AMPH: variants seen among roughly 807,000 people sequenced by gnomAD.
The protein encoded by AMPH is amphiphysin.
A neutral mutation model predicts 99.1 loss-of-function variants in AMPH; 49 were observed. The ratio of observed to expected loss-of-function variants is 0.49; its 90% CI spans 0.39 to 0.63. AMPH has a LOEUF of 0.63. Ranked by LOEUF, AMPH falls within the 20% of genes least tolerant of loss-of-function variation. AMPH has a pLI of 0.00. For synonymous variants in AMPH, 314 were observed against 317.3 expected (o/e 0.99, Z 0.11); for missense variants, 759 against 863.4 (o/e 0.88, Z 1.52).
chr7:38,472,297 T>C (rs1264800368), intron 7 of AMPH, among the ~76,000 whole-genome samples: 1 of 152,150 alleles, frequency 6.6e-6, no homozygotes, highest in Non-Finnish European at 1.5e-5. Flanking sequence ...TTAAAGAACA[T>C]ATGTATTTAT....
At chr7:38,489,744 C>T (rs182787951) in intron 5 of AMPH, among the ~76,000 whole-genome samples, 1 of 152,178 alleles carries the variant, frequency 6.6e-6, no homozygotes, top group East Asian at 1.9e-4. Flanking sequence ...CAAAGACCTA[C>T]AAACAACCTC....
intron 1 of AMPH, among the ~76,000 whole-genome samples, chr7:38,575,165 C>T (rs184611681): frequency 2.0e-4 from 30 of 151,586 alleles, no homozygotes; most frequent in African/African-American, 7.0e-4. Flanking sequence ...TGAACAAATA[C>T]GTACTTTCAA....
chr7:38,404,642 C>T (rs1210748702), intron 17 of AMPH, among the ~76,000 whole-genome samples: 1 of 152,054 alleles, frequency 6.6e-6, no homozygotes, highest in East Asian at 1.9e-4. Context: ...TTTAAATGTC[C>T]CATCCAAAGG....
chr7:38,577,160 C>A (rs1300570642), intron 1 of AMPH, among the ~76,000 whole-genome samples: 4 of 152,206 alleles, frequency 2.6e-5, no homozygotes, highest in Non-Finnish European at 5.9e-5. Flanking sequence ...TATAATTTTT[C>A]TAAAAACTGC....
intron 11 of AMPH, among the ~76,000 whole-genome samples, chr7:38,456,133 G>C (rs1300826241): frequency 1.3e-5 from 2 of 152,170 alleles, no homozygotes; most frequent in East Asian, 3.9e-4. Context: ...GCTACCACCA[G>C]GCCAAAGAGG....
At chr7:38,386,195 G>C (rs1276461359) in intron 20 of AMPH, among the ~76,000 whole-genome samples, 1 of 152,146 alleles carries the variant, frequency 6.6e-6, no homozygotes, top group Non-Finnish European at 1.5e-5. Context: ...ATGAGGAAAA[G>C]TGCCCTCTTT....
chr7:38,441,577 T>C (rs1786505997), intron 11 of AMPH, among the ~76,000 whole-genome samples: 1 of 151,828 alleles, frequency 6.6e-6, no homozygotes, highest in Admixed American at 6.6e-5. Context: ...GGAACCTCTT[T>C]CTTGCACAGA....
intron 1 of AMPH, among the ~76,000 whole-genome samples, chr7:38,600,581 T>C (rs142661888): frequency 2.6e-5 from 4 of 152,348 alleles, no homozygotes; most frequent in African/African-American, 9.6e-5. Flanking sequence ...CACTTTTATG[T>C]TGAACCATAG....
chr7:38,518,603 A>G (rs914079155), intron 2 of AMPH, among the ~76,000 whole-genome samples: 1 of 152,168 alleles, frequency 6.6e-6, no homozygotes, highest in African/African-American at 2.4e-5. Flanking sequence ...CCCCTTTAGA[A>G]TGGGAATGTC....
At chr7:38,396,398 C>CAG (rs773394720) in intron 17 of AMPH, among the ~76,000 whole-genome samples, 2 of 152,194 alleles carry the variant, frequency 1.3e-5, no homozygotes, top group African/African-American at 2.4e-5. Context: ...CTCCTCTTTG[C>CAG]CTTCCATCAT....
intron 2 of AMPH, among the ~76,000 whole-genome samples, chr7:38,526,430 C>G (rs142657520): frequency 0.035 from 2,698 of 77,236 alleles, 112 homozygotes; most frequent in African/African-American, 0.14. Flanking sequence ...CTACCATGCC[C>G]GGCTTTTTTT....
intron 15 of AMPH, 131 bp downstream of exon 15, chr7:38,426,823 T>C (rs2128990966): frequency 2.8e-6 from 2 of 717,254 alleles, no homozygotes; most frequent in South Asian, 1.8e-5. Context: ...AGTCTGTAAG[T>C]AGTGGGGTCC....
At chr7:38,519,913 G>T (rs1184552562) in intron 2 of AMPH, among the ~76,000 whole-genome samples, 1 of 151,454 alleles carries the variant, frequency 6.6e-6, no homozygotes, top group African/African-American at 2.4e-5. Flanking sequence ...AATAAAATGT[G>T]GTACATATAC....
chr7:38,471,972 A>G (rs1176486787), intron 7 of AMPH, among the ~76,000 whole-genome samples: 1 of 152,130 alleles, frequency 6.6e-6, no homozygotes, highest in Non-Finnish European at 1.5e-5. Context: ...GCCCTAAAAT[A>G]CATTAAGCAA....
At chr7:38,480,762 T>C (rs1004369028) in intron 5 of AMPH, among the ~76,000 whole-genome samples, 8 of 152,152 alleles carry the variant, frequency 5.3e-5, no homozygotes, top group Non-Finnish European at 5.9e-5. Context: ...CTCATTACTT[T>C]TAGCAAAAAT....
chr7:38,411,146 C>T (rs1182264695), intron 17 of AMPH, among the ~76,000 whole-genome samples: 2 of 152,152 alleles, frequency 1.3e-5, no homozygotes, highest in African/African-American at 4.8e-5. Context: ...CAATTAATCT[C>T]TTTGTGTCCG....
At chr7:38,540,137 TC>T (rs1325044953) in intron 1 of AMPH, among the ~76,000 whole-genome samples, 32 of 152,220 alleles carry the variant, frequency 2.1e-4, no homozygotes, top group African/African-American at 7.7e-4. Flanking sequence ...TGACACATCT[TC>T]CACCTACAGG....
In AMPH at chr7:38,587,955, T is replaced by C. The variant is rs1028506444; in HGVS notation, c.69+43328A>G. Among the ~76,000 whole-genome samples, 55 of 140,862 alleles carry C rather than the reference T, an allele frequency of 3.9e-4. 1 individual carries two copies. Among genetic ancestry groups the C allele is most frequent in the East Asian group, 3.9e-3 (18 of 4,672 alleles). The allele number at this position is 140,862 out of a possible 152,430, so 92.4% of individuals were successfully genotyped here. Reference sequence around the variant, plus strand: ...GTGTGTGTGTGTGTGTGTGTGCGCGTGTGTGTGTGAGAGAGAGATAGGGTC... The same window carrying C: ...GTGTGTGTGTGTGTGTGTGTGCGCGCGTGTGTGTGAGAGAGAGATAGGGTC... On this transcript the variant is annotated intron_variant, in intron 1 of 20. Coordinates refer to ENST00000356264, the MANE Select transcript of AMPH (RefSeq NM_001635.4).
chr7:38,534,254 T>C (rs1790516306), intron 2 of AMPH, among the ~76,000 whole-genome samples: 1 of 152,184 alleles, frequency 6.6e-6, no homozygotes, highest in African/African-American at 2.4e-5. Context: ...TGCGAATGCA[T>C]GCTCTTGAAG....
Sources: gnomAD v4.1 joint callset for allele counts (sites outside exome capture counted in the v4.1 genomes callset) on GRCh38, gnomAD v4.1.1 for gene constraint, MANE v1.5 for transcripts, NCBI Gene and HGNC (gene_info 2026-07-23, HGNC 2026-07-21) for gene names.